The following HEATR1 variants were observed in gnomAD, a reference collection of about 807,000 sequenced individuals.
HEATR1 encodes HEAT repeat-containing protein 1.
HEATR1 carries 77 observed loss-of-function variants against 248.2 expected under a neutral mutation model. The observed-to-expected ratio is 0.31, with a 90% CI of 0.26 to 0.37. The LOEUF (loss-of-function observed/expected upper bound fraction) is 0.37, where lower values mean the gene tolerates loss of function less well. HEATR1 is among the 10% of genes least tolerant of loss of function. The pLI, the probability that HEATR1 is intolerant of heterozygous loss-of-function variation, is 1.00. For synonymous variants in HEATR1, 897 were observed against 923.1 expected (o/e 0.97, Z 0.51); for missense variants, 2,420 against 2,504.9 (o/e 0.97, Z 0.72).
rs182735543 is a variant in HEATR1, at chr1:236,571,248, C to G, written c.3948+103G>C. 2.3e-5 allele frequency: 32 copies of G among 1,381,492 alleles called. No individual in the cohort carries two copies. In the African/African-American group the frequency reaches 4.5e-4, roughly 20 times the overall value. The allele number at this position is 1,381,492 out of a possible 1,614,324, so 85.6% of individuals were successfully genotyped here. A position where few individuals can be genotyped will look rare whatever the true frequency, so the allele number is the denominator to read the frequency against. ...GAGTCTCACCAGTGCTGGAAGATTCCAAAGCCTAATTGATTAAATTTAAAA... is the reference window on the plus strand; with the variant it reads ...GAGTCTCACCAGTGCTGGAAGATTCGAAAGCCTAATTGATTAAATTTAAAA... On this transcript the variant is annotated intron_variant, in intron 28 of 44. Transcript: ENST00000366582.
In HEATR1 at chr1:236,549,821, G is replaced by A. The variant is rs1424793773; in HGVS notation, c.*1081C>T. 1 of 152,028 alleles carries A rather than the reference G, an allele frequency of 6.6e-6. No homozygotes were observed. The highest frequency in any genetic ancestry group is 1.5e-5 in the Non-Finnish European group (1 of 68,004). The allele number at this position is 152,028 out of a possible 1,614,324, so 9.4% of individuals were successfully genotyped here. The stretch of plus-strand genomic sequence containing the variant: ...TAAGTTCATTTTCATTTTACGTGGA[G>A]GAAAAAAATTTAAAAAGCTATTAGT... On this transcript the variant is annotated 3_prime_UTR_variant, in exon 45 of 45. Coordinates refer to ENST00000366582, the MANE Select transcript of HEATR1 (RefSeq NM_018072.6).
intron 34 of HEATR1, among the ~76,000 whole-genome samples, chr1:236,559,427 T>C (rs1393193873): frequency 6.6e-6 from 1 of 152,206 alleles, no homozygotes; most frequent in Non-Finnish European, 1.5e-5. Flanking sequence ...GTATGTAATA[T>C]ACTTCATACT....
intron 25 of HEATR1, 69 bp from the exon 26 acceptor site, chr1:236,572,623 C>G: frequency 6.2e-7 from 1 of 1,603,890 alleles, no homozygotes. Context: ...AACCATTGTG[C>G]CTGATTATAG....
At chr1:236,571,320 T>C (rs771977339) in intron 28 of HEATR1, 31 bp downstream of exon 28, 20 of 1,559,128 alleles carry the variant, frequency 1.3e-5, no homozygotes, top group African/African-American at 2.8e-5. Context: ...ATCTGAAATA[T>C]CTGCTAAAAT....
intron 20 of HEATR1, among the ~76,000 whole-genome samples, chr1:236,579,414 G>C (rs1663649678): frequency 6.6e-6 from 1 of 152,202 alleles, no homozygotes; most frequent in Non-Finnish European, 1.5e-5. Flanking sequence ...TCAAAGGACA[G>C]TAAACATTTA....
intron 34 of HEATR1, 93 bp downstream of exon 34, chr1:236,559,621 T>C (rs1282607878): frequency 2.2e-6 from 3 of 1,359,480 alleles, no homozygotes; most frequent in Non-Finnish European, 3.0e-6. Context: ...ATAAAAGGAA[T>C]TGCTAAGTTT....
Position 236,576,200 on chromosome 1 carries a change from C to A in HEATR1, c.3084+19G>T. The A allele has an allele frequency of 6.4e-7, 1 of 1,561,730 alleles. No individual in the cohort carries two copies. The highest frequency in any genetic ancestry group is 8.6e-7 in the Non-Finnish European group (1 of 1,159,116). The stretch of plus-strand genomic sequence containing the variant: ...TAGTAACATCACAGGAATGTACAAT[C>A]CACTTAAATGGCACATACCTCACCG... On this transcript the variant is annotated intron_variant, in intron 22 of 44. Coordinates refer to ENST00000366582, the MANE Select transcript of HEATR1 (RefSeq NM_018072.6).
rs2853598 is a variant in HEATR1, at chr1:236,576,001, T to C, written c.3084+218A>G. Among the ~76,000 whole-genome samples the C allele has an allele frequency of 0.57, 86,253 of 152,014 alleles. 26,347 individuals are homozygous for C. Among genetic ancestry groups the C allele is most frequent in the Non-Finnish European group, 0.69 (46,598 of 67,964 alleles). On this transcript the variant is annotated intron_variant, in intron 22 of 44. Transcript: ENST00000366582. ...TTAATGATTAGACAGGGACAACACATTTAATTTTAAAATAAAAAGAAACTC... is the reference window on the plus strand; with the variant it reads ...TTAATGATTAGACAGGGACAACACACTTAATTTTAAAATAAAAAGAAACTC...
At chr1:236,590,745 T>G (rs1171861730) in intron 12 of HEATR1, 102 bp downstream of exon 12, 1 of 465,064 alleles carries the variant, frequency 2.2e-6, no homozygotes, top group Non-Finnish European at 3.8e-6. Context: ...TCAACTCATC[T>G]GTATCATTAC....
At chr1:236,557,061 AC>A in intron 37 of HEATR1, 133 bp downstream of exon 37, 1 of 873,210 alleles carries the variant, frequency 1.1e-6, no homozygotes. Context: ...AAAAGCAAGC[AC>A]ATCTCTTCAG....
At chr1:236,564,942 G>A (rs1362742631) in intron 31 of HEATR1, among the ~76,000 whole-genome samples, 1 of 152,218 alleles carries the variant, frequency 6.6e-6, no homozygotes, top group Non-Finnish European at 1.5e-5. Flanking sequence ...ATCACGGAAG[G>A]AGTCTCTGAA....
rs1236775118 is a variant in HEATR1 at position 236,576,933 on chromosome 1, G to C, written c.2772C>G (p.Leu924=). 6.3e-6 allele frequency: 10 copies of C among 1,586,718 alleles called. No homozygotes were observed. The Middle Eastern group carries it at 5.0e-4, about 80-fold the overall frequency. Residue 924 remains leucine (L), a synonymous_variant, in exon 21 of 45, where the codon CTC becomes CTG. Coordinates refer to ENST00000366582, the MANE Select transcript of HEATR1 (RefSeq NM_018072.6). ...SISSPVVTSL[L]INLGSPVKEV... ...CTTTTACGGGGCTTCCCAGGTTAAT[G>C]AGTAAAGATGTCACCACTAAAATCA...
At chr1:236,575,481 A>G (rs2794775) in intron 22 of HEATR1, among the ~76,000 whole-genome samples, 96,923 of 152,002 alleles carry the variant, frequency 0.64, 31,989 homozygotes, top group Non-Finnish European at 0.72. Context: ...GTGTGGCCCC[A>G]AAAGCATAAA....
rs148988733 is a variant in HEATR1, at chr1:236,571,625, T to C, written c.3769A>G (p.Ser1257Gly). The C allele has an allele frequency of 5.8e-4, 937 of 1,614,124 alleles. No individual in the cohort carries two copies. The highest frequency in any genetic ancestry group is 7.6e-4 in the Non-Finnish European group (896 of 1,179,942). ...TTTTGGCAGATGTTGAGCAGACAAC[T>C]AAGAATTAATTGTTTGGTGTATTCC... ...NMEYTKQLIL[S>G]CLLNICQKLS... Residue 1257 changes from serine (S) to glycine (G), a missense_variant, in exon 27 of 45, where the codon AGT (serine) becomes GGT (glycine). Transcript: ENST00000366582.
chr1:236,573,922 T>C (rs76830757), intron 24 of HEATR1: 5,199 of 222,858 alleles, frequency 0.023, 184 homozygotes, highest in East Asian at 0.14. Context: ...CATAAAGGAA[T>C]AGGTAGATTC....
chr1:236,599,192 G>A (rs552388610), intron 4 of HEATR1, among the ~76,000 whole-genome samples: 40 of 152,200 alleles, frequency 2.6e-4, no homozygotes, highest in Admixed American at 2.5e-3. Flanking sequence ...TCTCAACTCT[G>A]CCACTTTATA....
Position 236,577,783 on chromosome 1 carries a change from C to T in HEATR1, c.2756-834G>A, listed in dbSNP as rs1427407765. On this transcript the variant is annotated intron_variant, in intron 20 of 44. Coordinates refer to ENST00000366582, the MANE Select transcript of HEATR1 (RefSeq NM_018072.6). ...GATTATAGGTGTGAGCCATCAAACC[C>T]GGCCAAATCATTATTTTTTAATTGT... 3.9e-5 allele frequency among the ~76,000 whole-genome samples: 6 copies of T among 152,116 alleles called. No homozygotes were observed. The East Asian group carries it at 5.8e-4, about 15-fold the overall frequency.
chr1:236,601,625 G>T (rs1156432732), intron 3 of HEATR1, among the ~76,000 whole-genome samples: 1 of 151,478 alleles, frequency 6.6e-6, no homozygotes, highest in Non-Finnish European at 1.5e-5. Context: ...GGGCAACAAA[G>T]TGAGACACTG....
At chr1:236,593,584 GAAAAAAA>G (rs534009257) in intron 9 of HEATR1, among the ~76,000 whole-genome samples, 962 of 90,832 alleles carry the variant, frequency 0.011, 11 homozygotes, top group African/African-American at 0.036. Flanking sequence ...CCCATTAAGA[GAAAAAAA>G]AAAAAAAAAA....
Sources: allele counts gnomAD v4.1 joint callset (sites outside exome capture counted in the v4.1 genomes callset), GRCh38; gene constraint gnomAD v4.1.1; transcripts MANE v1.5; gene names NCBI Gene and HGNC (gene_info 2026-07-23, HGNC 2026-07-21).